The following SGCZ variants were observed in gnomAD, a reference collection of about 807,000 sequenced individuals.
The protein encoded by SGCZ is zeta-sarcoglycan.
In SGCZ, 40 loss-of-function variants were observed where a neutral mutation model predicts 41.3. The observed-to-expected ratio is 0.97, with a 90% CI of 0.75 to 1.26. The LOEUF is 1.26. Ranked by LOEUF, SGCZ falls within the 50% of genes most tolerant of loss-of-function variation. The pLI is 0.00. For synonymous variants in SGCZ, 206 were observed against 137.5 expected (o/e 1.50, Z -3.49); for missense variants, 552 against 369.8 (o/e 1.49, Z -4.04).
At chr8:15,022,720 G>C (rs2130945109) in intron 1 of SGCZ, among the ~76,000 whole-genome samples, 2 of 152,236 alleles carry the variant, frequency 1.3e-5, no homozygotes, top group East Asian at 3.9e-4. Context: ...CAATTCTATA[G>C]AGACAAAACA....
intron 3 of SGCZ, among the ~76,000 whole-genome samples, chr8:14,256,790 T>G (rs1212147195): frequency 6.6e-6 from 1 of 152,194 alleles, no homozygotes; most frequent in Non-Finnish European, 1.5e-5. Flanking sequence ...GTTATCAACT[T>G]TCCGGGTTCA....
At chr8:14,813,384 C>T (rs911218686) in intron 1 of SGCZ, among the ~76,000 whole-genome samples, 3 of 152,064 alleles carry the variant, frequency 2.0e-5, no homozygotes, top group Non-Finnish European at 4.4e-5. Context: ...AGACAAAATG[C>T]AACCAAAAGC....
At chr8:14,415,205 A>T (rs945629950) in intron 2 of SGCZ, among the ~76,000 whole-genome samples, 1 of 152,064 alleles carries the variant, frequency 6.6e-6, no homozygotes. Flanking sequence ...ACAAGTGTTC[A>T]TGATTCATTT....
intron 2 of SGCZ, among the ~76,000 whole-genome samples, chr8:14,344,049 G>A (rs1802805477): frequency 6.6e-6 from 1 of 152,104 alleles, no homozygotes; most frequent in African/African-American, 2.4e-5. Context: ...GGAAATTCCA[G>A]AAATGAACAA....
chr8:14,528,199 A>G (rs1803012403), intron 2 of SGCZ, among the ~76,000 whole-genome samples: 2 of 152,164 alleles, frequency 1.3e-5, no homozygotes, highest in African/African-American at 4.8e-5. Flanking sequence ...TTTACTACAT[A>G]CCGAAGAATC....
chr8:14,152,793 T>A (rs1289210185), intron 5 of SGCZ, among the ~76,000 whole-genome samples: 1 of 152,100 alleles, frequency 6.6e-6, no homozygotes, highest in African/African-American at 2.4e-5. Flanking sequence ...CCTCAATGGA[T>A]GAATAATTAA....
intron 1 of SGCZ, among the ~76,000 whole-genome samples, chr8:15,053,374 C>T (rs942930669): frequency 6.6e-6 from 1 of 152,018 alleles, no homozygotes; most frequent in African/African-American, 2.4e-5. Flanking sequence ...TTCTGCCTGA[C>T]TTAGTTTCCT....
chr8:15,000,528 T>C (rs1802378946), intron 1 of SGCZ, among the ~76,000 whole-genome samples: 1 of 152,110 alleles, frequency 6.6e-6, no homozygotes, highest in Admixed American at 6.6e-5. Flanking sequence ...ACAAGCAAGC[T>C]AGGAGCTTGC....
intron 3 of SGCZ, among the ~76,000 whole-genome samples, chr8:14,248,379 T>C (rs1305943039): frequency 2.0e-5 from 3 of 152,186 alleles, no homozygotes; most frequent in Non-Finnish European, 4.4e-5. Context: ...GATGATAATG[T>C]GCGTGTGTAG....
chr8:14,094,888 G>C (rs771180688), intron 7 of SGCZ, among the ~76,000 whole-genome samples: 1 of 152,160 alleles, frequency 6.6e-6, no homozygotes, highest in Non-Finnish European at 1.5e-5. Flanking sequence ...AATGACCAAT[G>C]ATGAAGAGCT....
intron 2 of SGCZ, among the ~76,000 whole-genome samples, chr8:14,515,995 G>C (rs1018957887): frequency 6.6e-6 from 1 of 151,196 alleles, no homozygotes; most frequent in South Asian, 2.1e-4. Flanking sequence ...GGAAGAAATA[G>C]TTTTTTTTTA....
At chr8:15,117,570 G>A (rs1248102851) in intron 1 of SGCZ, among the ~76,000 whole-genome samples, 2 of 152,060 alleles carry the variant, frequency 1.3e-5, no homozygotes, top group Admixed American at 6.5e-5. Context: ...TAACTTCTGA[G>A]CTCCTATTTT....
intron 1 of SGCZ, among the ~76,000 whole-genome samples, chr8:15,215,265 T>A (rs538620435): frequency 6.6e-6 from 1 of 152,278 alleles, no homozygotes; most frequent in Non-Finnish European, 1.5e-5. Context: ...TATGAATATT[T>A]CACTTTATTA....
At chr8:15,068,530 G>A (rs1805234428) in intron 1 of SGCZ, among the ~76,000 whole-genome samples, 1 of 152,108 alleles carries the variant, frequency 6.6e-6, no homozygotes, top group South Asian at 2.1e-4. Context: ...GAATTTTGAT[G>A]TTCACAGAAG....
chr8:14,269,661 G>A (rs1799996999), intron 3 of SGCZ, among the ~76,000 whole-genome samples: 1 of 152,066 alleles, frequency 6.6e-6, no homozygotes, highest in South Asian at 2.1e-4. Flanking sequence ...AGTGTGGAGA[G>A]TTCTTTAAGT....
chr8:14,507,773 T>C (rs1353414358), intron 2 of SGCZ, among the ~76,000 whole-genome samples: 1 of 62,086 alleles, frequency 1.6e-5, no homozygotes, highest in Non-Finnish European at 3.0e-5. Context: ...TTTTTGTTTT[T>C]GTTTTTTTTT....
chr8:14,982,966 A>G (rs1422795197), intron 1 of SGCZ, among the ~76,000 whole-genome samples: 1 of 152,178 alleles, frequency 6.6e-6, no homozygotes, highest in Non-Finnish European at 1.5e-5. Context: ...TGGAATCCCA[A>G]TTTAGCCACC....
chr8:14,427,709 C>G (rs1229723366), intron 2 of SGCZ, among the ~76,000 whole-genome samples: 1 of 152,084 alleles, frequency 6.6e-6, no homozygotes, highest in African/African-American at 2.4e-5. Flanking sequence ...TCCCTATTAG[C>G]AGGTAACTAT....
intron 5 of SGCZ, among the ~76,000 whole-genome samples, chr8:14,143,247 G>A (rs2116930018): frequency 6.6e-6 from 1 of 152,236 alleles, no homozygotes; most frequent in Non-Finnish European, 1.5e-5. Flanking sequence ...TTCTCTCTAA[G>A]ATTGCAGACA....
Sources: allele counts gnomAD v4.1 joint callset (sites outside exome capture counted in the v4.1 genomes callset), GRCh38; gene constraint gnomAD v4.1.1; transcripts MANE v1.5; gene names NCBI Gene and HGNC (gene_info 2026-07-23, HGNC 2026-07-21).